ZNF367: variants seen among roughly 807,000 people sequenced by gnomAD.
ZNF367 encodes zinc finger protein 367.
A neutral mutation model predicts 31.8 loss-of-function variants in ZNF367; 11 were observed. The observed-to-expected ratio is 0.35, with a 90% CI of 0.22 to 0.57. The LOEUF (loss-of-function observed/expected upper bound fraction) is 0.57, where lower values mean the gene tolerates loss of function less well. Among genes scored for constraint, ZNF367 ranks in the 20% least tolerant of loss-of-function variants. The probability of loss-of-function intolerance (pLI) is 0.85; values close to 1 mark genes in which losing one functional copy is unlikely to be tolerated. For missense variants in ZNF367, 353 were observed against 484.1 expected, an observed-to-expected ratio of 0.73 and a Z score of 2.54; for synonymous variants, 199 against 202.4, an observed-to-expected ratio of 0.98 and a Z score of 0.14.
chr9:96,407,411 T>C (rs796238640), intron 1 of ZNF367: 23 of 1,466,408 alleles, frequency 1.6e-5, no homozygotes, highest in East Asian at 6.8e-5. Flanking sequence ...AAGAAAATGA[T>C]TGGTCTGAAG....
intron 2 of ZNF367, among the ~76,000 whole-genome samples, chr9:96,395,362 A>G (rs1831518909): frequency 6.6e-6 from 1 of 152,130 alleles, no homozygotes; most frequent in Admixed American, 6.5e-5. Context: ...GCAATCCCAG[A>G]GTAGCTGGCA....
At chr9:96,411,531 C>A (rs1396225398) in intron 1 of ZNF367, among the ~76,000 whole-genome samples, 1 of 152,084 alleles carries the variant, frequency 6.6e-6, no homozygotes, top group Non-Finnish European at 1.5e-5. Flanking sequence ...CCACTGCACT[C>A]AGCCTGGGTG....
At chr9:96,416,086 T>TG (rs1831825893) in intron 1 of ZNF367, among the ~76,000 whole-genome samples, 2 of 140,414 alleles carry the variant, frequency 1.4e-5, no homozygotes, top group Admixed American at 1.4e-4. Flanking sequence ...TTTTTTTTGT[T>TG]GTTTTTTTTT....
chr9:96,418,205 C>A lies in ZNF367; in HGVS notation c.-173G>T, dbSNP rs1264877113. On this transcript the variant is annotated 5_prime_UTR_variant, in exon 1 of 5. Transcript: ENST00000375256. ...TAACTAGTTGAGCAGACGGCACCGG[C>A]GGGCAGGGCTGGACCCCAGCCCCAG... The A allele has an allele frequency of 8.7e-6, 9 of 1,036,512 alleles. No homozygotes were observed. The highest frequency in any genetic ancestry group is 9.9e-6 in the Non-Finnish European group (8 of 804,172). 64.2% of individuals were successfully genotyped at this position (1,036,512 alleles called of 1,614,324 possible). A position where few individuals can be genotyped will look rare whatever the true frequency, so the allele number is the denominator to read the frequency against.
At chr9:96,408,553 T>A (rs1831701011) in intron 1 of ZNF367, among the ~76,000 whole-genome samples, 1 of 152,158 alleles carries the variant, frequency 6.6e-6, no homozygotes, top group Admixed American at 6.6e-5. Context: ...TAATTTTACC[T>A]ATATGAGGTA....
chr9:96,403,233 G>A (rs1049650950), intron 1 of ZNF367, among the ~76,000 whole-genome samples: 1 of 152,168 alleles, frequency 6.6e-6, no homozygotes, highest in Non-Finnish European at 1.5e-5. Flanking sequence ...CTCCCAAAGT[G>A]CTGGAATTAC....
intron 1 of ZNF367, chr9:96,407,207 G>C (rs1831681624): frequency 2.7e-6 from 2 of 733,780 alleles, no homozygotes; most frequent in Admixed American, 4.5e-5. Flanking sequence ...GCGTGGGCTT[G>C]TGGGTCTTTG....
At chr9:96,399,629 C>A (rs550744569) in intron 1 of ZNF367, among the ~76,000 whole-genome samples, 2 of 152,134 alleles carry the variant, frequency 1.3e-5, no homozygotes, top group Admixed American at 6.6e-5. Context: ...ACCAGCCTGG[C>A]CAACATGGCG....
At chr9:96,396,026 A>C (rs891711184) in intron 2 of ZNF367, among the ~76,000 whole-genome samples, 1 of 152,260 alleles carries the variant, frequency 6.6e-6, no homozygotes, top group Non-Finnish European at 1.5e-5. Context: ...TTAAAATAAA[A>C]CACAGATATA....
chr9:96,414,092 T>C (rs1250244287), intron 1 of ZNF367, among the ~76,000 whole-genome samples: 8 of 152,224 alleles, frequency 5.3e-5, no homozygotes, highest in Non-Finnish European at 1.0e-4. Context: ...GGACTCTCTA[T>C]CTTTGTAGTT....
intron 2 of ZNF367, 144 bp from the exon 3 acceptor site, chr9:96,395,086 A>G (rs910147228): frequency 2.4e-6 from 2 of 838,470 alleles, no homozygotes; most frequent in Non-Finnish European, 3.6e-6. Context: ...GCAGGTGGAA[A>G]TGCTAATGGC....
intron 2 of ZNF367, among the ~76,000 whole-genome samples, chr9:96,397,150 G>A (rs555675189): frequency 6.6e-5 from 10 of 152,214 alleles, no homozygotes; most frequent in African/African-American, 2.4e-4. Context: ...AGTGGCTACT[G>A]TATGGGGCAG....
At chr9:96,392,261 T>G (rs756608783) in intron 4 of ZNF367, 137 bp downstream of exon 4, 3 of 1,318,854 alleles carry the variant, frequency 2.3e-6, no homozygotes, top group Non-Finnish European at 3.2e-6. Context: ...TTATAGAAAA[T>G]CAGGGGTCAT....
chr9:96,410,815 T>C (rs896944496), intron 1 of ZNF367, among the ~76,000 whole-genome samples: 4 of 151,150 alleles, frequency 2.6e-5, no homozygotes, highest in Non-Finnish European at 4.4e-5. Context: ...GAGACAGAGG[T>C]TGCAGTAACC....
At chr9:96,410,671 C>G (rs1267732715) in intron 1 of ZNF367, among the ~76,000 whole-genome samples, 1 of 146,224 alleles carries the variant, frequency 6.8e-6, no homozygotes, top group Non-Finnish European at 1.5e-5. Flanking sequence ...GTCAACAGAT[C>G]GAGACCATCC....
intron 1 of ZNF367, among the ~76,000 whole-genome samples, chr9:96,403,026 G>A (rs959551127): frequency 6.6e-6 from 1 of 151,522 alleles, no homozygotes; most frequent in Non-Finnish European, 1.5e-5. Flanking sequence ...CCCGAGTGCA[G>A]TGGCATGATC....
At chr9:96,410,042 G>A (rs1258979112) in intron 1 of ZNF367, among the ~76,000 whole-genome samples, 4 of 152,072 alleles carry the variant, frequency 2.6e-5, no homozygotes, top group Non-Finnish European at 4.4e-5. Flanking sequence ...TTGGGAGGTC[G>A]AGGTGGGTGG....
At chr9:96,392,350 A>G (rs1831481615) in intron 4 of ZNF367, 48 bp downstream of exon 4, 1 of 1,613,420 alleles carries the variant, frequency 6.2e-7, no homozygotes, top group Non-Finnish European at 8.5e-7. Flanking sequence ...ACATAGCCCC[A>G]GCCCGCGCTG....
chr9:96,413,957 G>A (rs1227507527), intron 1 of ZNF367, among the ~76,000 whole-genome samples: 4 of 151,754 alleles, frequency 2.6e-5, no homozygotes, highest in African/African-American at 4.9e-5. Flanking sequence ...ATTGGCACTG[G>A]CTATATTGCA....
Sources: gnomAD v4.1 joint callset for allele counts (sites outside exome capture counted in the v4.1 genomes callset) on GRCh38, gnomAD v4.1.1 for gene constraint, MANE v1.5 for transcripts, NCBI Gene and HGNC (gene_info 2026-07-23, HGNC 2026-07-21) for gene names.